The following BANK1 variants were observed in gnomAD, a reference collection of about 807,000 sequenced individuals.
BANK1 encodes B-cell scaffold protein with ankyrin repeats.
BANK1 carries 95 observed loss-of-function variants against 94.5 expected under a neutral mutation model. The ratio of observed to expected loss-of-function variants is 1.00; its 90% CI spans 0.85 to 1.19. BANK1 has a LOEUF of 1.19. Ranked by LOEUF, BANK1 falls within the 50% of genes most tolerant of loss-of-function variation. BANK1 has a pLI of 0.00. For missense variants in BANK1, 987 were observed against 932.2 expected, an observed-to-expected ratio of 1.06 and a Z score of -0.77; for synonymous variants, 334 against 308.4, an observed-to-expected ratio of 1.08 and a Z score of -0.87.
intron 12 of BANK1, 107 bp from the exon 13 acceptor site, chr4:102,062,968 T>C (rs1266011016): frequency 1.2e-6 from 1 of 803,584 alleles, no homozygotes; most frequent in Admixed American, 2.4e-5. Context: ...AAGTAGCAAA[T>C]TAATATCAAG....
At chr4:101,978,588 C>CT (rs1725217211) in intron 7 of BANK1, among the ~76,000 whole-genome samples, 1 of 151,948 alleles carries the variant, frequency 6.6e-6, no homozygotes, top group African/African-American at 2.4e-5. Flanking sequence ...ATCTATAGAG[C>CT]TTTTCAAGAC....
At chr4:101,917,778 A>G (rs1243044577) in intron 6 of BANK1, among the ~76,000 whole-genome samples, 1 of 151,746 alleles carries the variant, frequency 6.6e-6, no homozygotes, top group Admixed American at 6.6e-5. Context: ...AGATTGGTGC[A>G]TTAATGCTAG....
At chr4:101,861,829 A>G (rs1428487167) in intron 3 of BANK1, among the ~76,000 whole-genome samples, 1 of 152,068 alleles carries the variant, frequency 6.6e-6, no homozygotes, top group Non-Finnish European at 1.5e-5. Flanking sequence ...TATTAACCCC[A>G]ATCTTTCATT....
chr4:101,934,123 T>TCTTA (rs1180766818), intron 7 of BANK1, among the ~76,000 whole-genome samples: 1 of 151,504 alleles, frequency 6.6e-6, no homozygotes, highest in Non-Finnish European at 1.5e-5. Flanking sequence ...GGATAGGATC[T>TCTTA]CTTACTACTA....
In BANK1 at chr4:101,904,466, T is replaced by G. The variant is rs568567621; in HGVS notation, c.1009+9056T>G. Among the ~76,000 whole-genome samples, 333 of 152,358 alleles carry G rather than the reference T, an allele frequency of 2.2e-3. 2 individuals are homozygous for G. The highest frequency in any genetic ancestry group is 7.4e-3 in the African/African-American group (307 of 41,588). ...CCATTGTTCTATCCAAATTTGCTTA[T>G]CTGTTAACCATTTTAAAGGTATAGG... On this transcript the variant is annotated intron_variant, in intron 6 of 16. Coordinates refer to ENST00000322953, the MANE Select transcript of BANK1 (RefSeq NM_017935.5).
At chr4:101,834,950 T>C (rs1216099566) in intron 2 of BANK1, among the ~76,000 whole-genome samples, 2 of 152,126 alleles carry the variant, frequency 1.3e-5, no homozygotes, top group African/African-American at 4.8e-5. Context: ...GACACAGTAA[T>C]TTATATTTTC....
rs928259341 is a variant in BANK1 at position 101,846,661 on chromosome 4, G to A, written c.470-8374G>A. Among the ~76,000 whole-genome samples the A allele has an allele frequency of 4.6e-5, 7 of 152,134 alleles. No individual in the cohort carries two copies. The South Asian group carries it at 8.3e-4, about 18-fold the overall frequency. Reference sequence around the variant, plus strand: ...TTACATGGCAGCAGGAGATAGAGAGGGCAGGGGAAGTGCTACAGTTTTAAA... The same window carrying A: ...TTACATGGCAGCAGGAGATAGAGAGAGCAGGGGAAGTGCTACAGTTTTAAA... On this transcript the variant is annotated intron_variant, in intron 2 of 16. Transcript: ENST00000322953.
At chr4:102,012,069 T>C (rs1181009922) in intron 7 of BANK1, among the ~76,000 whole-genome samples, 1 of 152,172 alleles carries the variant, frequency 6.6e-6, no homozygotes, top group African/African-American at 2.4e-5. Context: ...TTAAATGAGA[T>C]ACTTCTCTGC....
intron 3 of BANK1, among the ~76,000 whole-genome samples, chr4:101,862,065 T>A (rs1727897449): frequency 6.6e-6 from 1 of 152,114 alleles, no homozygotes; most frequent in Non-Finnish European, 1.5e-5. Flanking sequence ...ATATTTAAAT[T>A]GTAAGAGATC....
intron 7 of BANK1, among the ~76,000 whole-genome samples, chr4:102,010,254 A>T (rs573897967): frequency 6.6e-6 from 1 of 152,080 alleles, no homozygotes; most frequent in Non-Finnish European, 1.5e-5. Flanking sequence ...GACAGAGTGA[A>T]ACTCCATCTC....
chr4:101,854,965 C>T, intron 2 of BANK1, 70 bp from the exon 3 acceptor site: 1 of 1,230,776 alleles, frequency 8.1e-7, no homozygotes, highest in African/African-American at 1.5e-5. Flanking sequence ...AGCAATTAGT[C>T]TTTATAGCAA....
intron 7 of BANK1, among the ~76,000 whole-genome samples, chr4:101,926,425 T>A (rs1395084571): frequency 6.6e-6 from 1 of 151,590 alleles, no homozygotes; most frequent in Non-Finnish European, 1.5e-5. Flanking sequence ...AAATTTTGGG[T>A]TTGTTTTACA....
intron 7 of BANK1, among the ~76,000 whole-genome samples, chr4:101,989,675 C>G (rs2850376): frequency 0.073 from 11,135 of 151,646 alleles, 609 homozygotes; most frequent in East Asian, 0.19. Flanking sequence ...ATGACTGACA[C>G]TTTTGAAAAT....
At chr4:101,901,653 A>T (rs1240545040) in intron 6 of BANK1, among the ~76,000 whole-genome samples, 1 of 152,200 alleles carries the variant, frequency 6.6e-6, no homozygotes. Flanking sequence ...GAACTCAAAA[A>T]CTCAAAAAGT....
chr4:102,069,226 T>C (rs1363823294), intron 13 of BANK1, among the ~76,000 whole-genome samples: 1 of 152,208 alleles, frequency 6.6e-6, no homozygotes, highest in Non-Finnish European at 1.5e-5. Context: ...GAGATAAATA[T>C]GGAAATATAG....
chr4:101,942,401 G>A (rs920584508), intron 7 of BANK1, among the ~76,000 whole-genome samples: 15 of 151,846 alleles, frequency 9.9e-5, no homozygotes, highest in Non-Finnish European at 2.2e-4. Flanking sequence ...TTCAGAGAGA[G>A]CTCTAGAGGC....
chr4:101,884,674 A>G (rs903323411), intron 5 of BANK1, among the ~76,000 whole-genome samples: 1 of 152,174 alleles, frequency 6.6e-6, no homozygotes, highest in East Asian at 1.9e-4. Context: ...TCTCCTTAAT[A>G]TCTTCTTACA....
chr4:101,964,208 G>T (rs1191744998), intron 7 of BANK1, among the ~76,000 whole-genome samples: 2 of 152,006 alleles, frequency 1.3e-5, no homozygotes, highest in African/African-American at 2.4e-5. Context: ...TCATTGCATT[G>T]CTCTGTATTA....
At chr4:102,053,817 A>G (rs1303600050) in intron 11 of BANK1, among the ~76,000 whole-genome samples, 1 of 151,852 alleles carries the variant, frequency 6.6e-6, no homozygotes, top group African/African-American at 2.4e-5. Context: ...TCTGGTTACA[A>G]TGACCAAATA....
Sources: allele counts gnomAD v4.1 joint callset (sites outside exome capture counted in the v4.1 genomes callset), GRCh38; gene constraint gnomAD v4.1.1; transcripts MANE v1.5; gene names NCBI Gene and HGNC (gene_info 2026-07-23, HGNC 2026-07-21).